Variants in MAN2A1 observed in about 807,000 individuals in gnomAD.
The protein encoded by MAN2A1 is mannosidase alpha class 2A member 1.
MAN2A1 carries 76 observed loss-of-function variants against 142.6 expected under a neutral mutation model. That is an observed-to-expected ratio of 0.53 (90% CI 0.44 to 0.65). MAN2A1 has a LOEUF of 0.65. Ranked by LOEUF, MAN2A1 falls within the 30% of genes least tolerant of loss-of-function variation. MAN2A1 has a pLI of 0.00. For missense variants in MAN2A1, 1,311 were observed against 1,365.1 expected, an observed-to-expected ratio of 0.96 and a Z score of 0.62; for synonymous variants, 559 against 473.2, an observed-to-expected ratio of 1.18 and a Z score of -2.35.
chr5:109,759,385 T>C (rs1383508443), intron 5 of MAN2A1, among the ~76,000 whole-genome samples: 1 of 152,198 alleles, frequency 6.6e-6, no homozygotes, highest in African/African-American at 2.4e-5. Context: ...TATGTAGAAA[T>C]ACAATTGATT....
chr5:109,764,807 C>A lies in MAN2A1; in HGVS notation c.836-2728C>A, dbSNP rs1561500072. On this transcript the variant is annotated intron_variant, in intron 5 of 21. Transcript: ENST00000261483. ...TTTTATCTTTTTTTGTAAGCTTATTCTGTCCTTGTTATTTGGACAATACAT... is the reference window on the plus strand; with the variant it reads ...TTTTATCTTTTTTTGTAAGCTTATTATGTCCTTGTTATTTGGACAATACAT... 7.9e-5 allele frequency among the ~76,000 whole-genome samples: 12 copies of A among 152,178 alleles called. No homozygotes were observed. The South Asian group carries it at 2.5e-3, about 32-fold the overall frequency.
chr5:109,801,573 G>A (rs763597048), intron 12 of MAN2A1, among the ~76,000 whole-genome samples: 31 of 152,144 alleles, frequency 2.0e-4, no homozygotes, highest in Non-Finnish European at 2.2e-4. Context: ...GGAAGGAGCA[G>A]CATCTGCAAA....
At chr5:109,842,087 C>T (rs937474802) in intron 16 of MAN2A1, among the ~76,000 whole-genome samples, 2 of 152,194 alleles carry the variant, frequency 1.3e-5, no homozygotes, top group East Asian at 1.9e-4. Context: ...ACATTTTTCT[C>T]ATCCCAGCTG....
intron 4 of MAN2A1, among the ~76,000 whole-genome samples, chr5:109,752,082 G>A (rs570740342): frequency 1.6e-4 from 24 of 152,042 alleles, no homozygotes; most frequent in Non-Finnish European, 3.1e-4. Flanking sequence ...CTACCATTCC[G>A]TTAGACACCT....
chr5:109,739,845 G>T (rs1752216532), intron 4 of MAN2A1, among the ~76,000 whole-genome samples: 1 of 152,144 alleles, frequency 6.6e-6, no homozygotes, highest in Non-Finnish European at 1.5e-5. Context: ...GCCTAGCCCA[G>T]ACAAGTCAGC....
chr5:109,716,745 A>T (rs531026844), intron 3 of MAN2A1, among the ~76,000 whole-genome samples: 2 of 152,312 alleles, frequency 1.3e-5, no homozygotes, highest in African/African-American at 2.4e-5. Flanking sequence ...CTCTGTATTT[A>T]TCAGTGTTAG....
chr5:109,794,085 G>T (rs112411738), intron 12 of MAN2A1: 1 of 152,168 alleles, frequency 6.6e-6, no homozygotes, highest in African/African-American at 2.4e-5. Flanking sequence ...AGCCAAACTC[G>T]CAACCTTATT....
chr5:109,834,672 G>T (rs181063634), intron 16 of MAN2A1, among the ~76,000 whole-genome samples: 47 of 152,246 alleles, frequency 3.1e-4, no homozygotes, highest in Middle Eastern at 6.8e-3. Context: ...GTAAGTAATA[G>T]TAGCTGTTTA....
At chr5:109,729,758 C>T (rs1386704561) in intron 4 of MAN2A1, among the ~76,000 whole-genome samples, 6 of 152,062 alleles carry the variant, frequency 3.9e-5, no homozygotes, top group South Asian at 2.1e-4. Flanking sequence ...TTTGGGAGGC[C>T]GAGGTGGGCG....
At chr5:109,724,511 T>C (rs1245297101) in intron 3 of MAN2A1, among the ~76,000 whole-genome samples, 1 of 152,178 alleles carries the variant, frequency 6.6e-6, no homozygotes, top group East Asian at 1.9e-4. Context: ...ATTTATCACA[T>C]TGAAATGGAA....
chr5:109,757,658 C>G (rs1305732069), intron 5 of MAN2A1, among the ~76,000 whole-genome samples: 1 of 152,008 alleles, frequency 6.6e-6, no homozygotes. Context: ...TTCAACATCC[C>G]CCAAAGAAAC....
rs939927822 is a variant in MAN2A1, at chr5:109,810,069, G to A, written c.1944-7204G>A. 2.0e-5 allele frequency among the ~76,000 whole-genome samples: 3 copies of A among 151,908 alleles called. No individual in the cohort carries two copies. The East Asian group carries it at 5.8e-4, about 29-fold the overall frequency. On this transcript the variant is annotated intron_variant, in intron 12 of 21. Transcript: ENST00000261483. ...ATTTCATTTGATTATTTTGTAATGT[G>A]TTAATTTCTATGGTAAAATTCTCTA...
intron 8 of MAN2A1, among the ~76,000 whole-genome samples, chr5:109,780,999 T>C (rs981649171): frequency 1.5e-4 from 23 of 152,226 alleles, no homozygotes; most frequent in Non-Finnish European, 4.4e-5. Flanking sequence ...AAACTGTTAT[T>C]GTAGACTTCT....
Position 109,770,529 on chromosome 5 carries a change from A to C in MAN2A1, c.1184A>C (p.Asn395Thr), listed in dbSNP as rs1582879973. The change falls in exon 7 of 22, where the codon AAT becomes ACT. Residue 395 changes from asparagine to threonine, a missense_variant. Physicochemically the swap from Asn to Thr is moderately conservative, Grantham distance 65 (BLOSUM62 0). Around this residue, in one of 3 missense-constraint regions of MAN2A1, gnomAD observed 890 missense variants for 920.5 expected, o/e 0.97. Coordinates refer to ENST00000261483, the MANE Select transcript of MAN2A1 (RefSeq NM_002372.4). ...GVPPETIHPGNVQSRARMLLD... is the reference protein window; with the variant it reads ...GVPPETIHPGTVQSRARMLLD... ...CCCCCAGAAACAATACATCCTGGAA[A>C]TGTCCAAAGCAGGTATGAAAATGCG... The C allele has an allele frequency of 6.2e-7, 1 of 1,613,728 alleles. No homozygotes were observed. The highest frequency in any genetic ancestry group is 1.7e-4 in the Middle Eastern group (1 of 6,058).
At chr5:109,792,695 A>G (rs1397489013) in intron 12 of MAN2A1, among the ~76,000 whole-genome samples, 2 of 152,048 alleles carry the variant, frequency 1.3e-5, no homozygotes, top group Non-Finnish European at 2.9e-5. Context: ...CATTGCAGGC[A>G]ATTGGAGATT....
chr5:109,690,311 C>G lies in MAN2A1; in HGVS notation c.-107C>G. The G allele has an allele frequency of 8.1e-7, 1 of 1,229,626 alleles. No individual in the cohort carries two copies. 76.2% of individuals were successfully genotyped at this position (1,229,626 alleles called of 1,614,324 possible). A position where few individuals can be genotyped will look rare whatever the true frequency, so the allele number is the denominator to read the frequency against. ...CACCCGCATCCGAGAGCGCGGAGGT[C>G]GCGCAGCCCGGGAGAAGGGAGCCTC... On this transcript the variant is annotated 5_prime_UTR_variant, in exon 1 of 22. Coordinates refer to ENST00000261483, the MANE Select transcript of MAN2A1 (RefSeq NM_002372.4).
At chr5:109,754,165 G>A (rs977253878) in intron 4 of MAN2A1, among the ~76,000 whole-genome samples, 2 of 152,050 alleles carry the variant, frequency 1.3e-5, no homozygotes, top group African/African-American at 2.4e-5. Context: ...TCCTGTCTTG[G>A]CTTCCCAGAG....
intron 16 of MAN2A1, among the ~76,000 whole-genome samples, chr5:109,841,677 C>T (rs10065099): frequency 0.31 from 46,430 of 152,026 alleles, 7,554 homozygotes; most frequent in East Asian, 0.64. Flanking sequence ...CTCTGTTTTA[C>T]ATAACAAAGG....
At chr5:109,771,132 G>A (rs1448644394) in intron 7 of MAN2A1, among the ~76,000 whole-genome samples, 2 of 152,040 alleles carry the variant, frequency 1.3e-5, no homozygotes, top group Admixed American at 1.3e-4. Context: ...AGAAAATTGT[G>A]CTAATGATGG....
Sources: gnomAD v4.1 joint callset for allele counts (sites outside exome capture counted in the v4.1 genomes callset) on GRCh38, gnomAD v4.1.1 for gene constraint, gnomAD v4.1.1 regional missense constraint, MANE v1.5 for transcripts, NCBI Gene and HGNC (gene_info 2026-07-23, HGNC 2026-07-21) for gene names.